The following HS6ST2 variants were observed in gnomAD, a reference collection of about 807,000 sequenced individuals.
The protein encoded by HS6ST2 is heparan-sulfate 6-O-sulfotransferase 2.
HS6ST2 carries 17 observed loss-of-function variants against 33.0 expected under a neutral mutation model. The ratio of observed to expected loss-of-function variants is 0.52; its 90% CI spans 0.35 to 0.77. The LOEUF is 0.77. Among genes scored for constraint, HS6ST2 ranks in the 30% least tolerant of loss-of-function variants. The probability of loss-of-function intolerance (pLI) is 0.01; values close to 1 mark genes in which losing one functional copy is unlikely to be tolerated. For synonymous variants in HS6ST2, 248 were observed against 237.1 expected (o/e 1.05, Z -0.42); for missense variants, 519 against 551.7 (o/e 0.94, Z 0.59).
upstream of HS6ST2, among the ~76,000 whole-genome samples, chrX:132,960,121 C>T (rs746109877): frequency 8.0e-5 from 9 of 112,201 alleles, no homozygotes; most frequent in African/African-American, 2.9e-4. Context: ...TGAACTTGTG[C>T]GAAGAAGCCA....
chrX:132,886,787 T>C (rs1162324365), intron 2 of HS6ST2, among the ~76,000 whole-genome samples: 2 of 111,041 alleles, frequency 1.8e-5, no homozygotes, highest in Non-Finnish European at 3.8e-5. Context: ...TCAATACAAT[T>C]AATGCTCTTT....
Position 132,639,879 on chromosome X carries a change from G to A in HS6ST2, c.1068-10786C>T, listed in dbSNP as rs371458594. Among the ~76,000 whole-genome samples the A allele has an allele frequency of 2.7e-5, 3 of 111,894 alleles. No homozygotes were observed. In the East Asian group the frequency reaches 8.4e-4, roughly 31 times the overall value. On this transcript the variant is annotated intron_variant, in intron 4 of 4. Transcript: ENST00000370833. ...ACATCCCTAGTGCCTCTTGTCCCAG[G>A]AATCCATTGCTTTGGTCCTGCCTTT...
intron 2 of HS6ST2, among the ~76,000 whole-genome samples, chrX:132,782,463 T>C (rs1211369983): frequency 9.0e-5 from 10 of 111,517 alleles, no homozygotes; most frequent in Non-Finnish European, 1.9e-5. Flanking sequence ...CTTTAAGAAA[T>C]AATCACAAAA....
rs1038715155 is a variant in HS6ST2 at position 132,627,589 on chromosome X, A to G, written c.*634T>C. 1 of 112,655 alleles carries G rather than the reference A, an allele frequency of 8.9e-6. No homozygotes were observed. The allele number at this position is 112,655 out of a possible 1,213,427, so 9.3% of individuals were successfully genotyped here. ...GTAGAAAAAGTTTAAAATTTTAAAC[A>G]TCTCTTAAATATCAAGATATGAGTC... On this transcript the variant is annotated 3_prime_UTR_variant, in exon 5 of 5. Transcript: ENST00000370833.
chrX:132,891,633 G>T lies in HS6ST2; in HGVS notation c.947+65175C>A, dbSNP rs191165534. Among the ~76,000 whole-genome samples, 380 of 110,531 alleles carry T rather than the reference G, an allele frequency of 3.4e-3. 2 individuals carry two copies. Among genetic ancestry groups the T allele is most frequent in the Non-Finnish European group, 5.3e-3 (278 of 52,933 alleles). On this transcript the variant is annotated intron_variant, in intron 2 of 4. Transcript: ENST00000370833. ...TCCCACCTATGAGTGAGAACATGCG[G>T]TGTTTGATTTTTTGTCCTTGCGATA...
chrX:132,679,264 A>G (rs1046456620), intron 3 of HS6ST2, among the ~76,000 whole-genome samples: 16 of 112,104 alleles, frequency 1.4e-4, no homozygotes, highest in South Asian at 3.7e-4. Flanking sequence ...CCCTATAGTC[A>G]CGTAGGTTCT....
At chrX:132,741,131 C>T (rs930912066) in intron 2 of HS6ST2, among the ~76,000 whole-genome samples, 7 of 111,348 alleles carry the variant, frequency 6.3e-5, no homozygotes, top group African/African-American at 2.3e-4. Flanking sequence ...CTATGGGAAC[C>T]CTGAATTGCC....
intron 2 of HS6ST2, among the ~76,000 whole-genome samples, chrX:132,915,153 G>C (rs949231240): frequency 1.8e-5 from 2 of 112,023 alleles, no homozygotes; most frequent in Non-Finnish European, 1.9e-5. Context: ...CACTAGCAGT[G>C]CAGGAAGCAC....
intron 3 of HS6ST2, among the ~76,000 whole-genome samples, chrX:132,681,781 C>T (rs2063973481): frequency 8.9e-6 from 1 of 112,074 alleles, no homozygotes; most frequent in Admixed American, 9.5e-5. Flanking sequence ...TCCTCTGGTT[C>T]TCTCCAGCCA....
intron 2 of HS6ST2, among the ~76,000 whole-genome samples, chrX:132,716,522 G>A (rs189308870): frequency 8.9e-6 from 1 of 112,065 alleles, no homozygotes; most frequent in Non-Finnish European, 1.9e-5. Flanking sequence ...ATGTGCATAG[G>A]TACAGGCTGA....
intron 2 of HS6ST2, among the ~76,000 whole-genome samples, chrX:132,718,480 T>C (rs2064298072): frequency 9.0e-6 from 1 of 111,530 alleles, no homozygotes; most frequent in Non-Finnish European, 1.9e-5. Context: ...CTAATTCTAA[T>C]GCATTGTGTA....
At chrX:132,863,540 T>C (rs1012028805) in intron 2 of HS6ST2, among the ~76,000 whole-genome samples, 1 of 106,992 alleles carries the variant, frequency 9.3e-6, no homozygotes, top group Non-Finnish European at 1.9e-5. Flanking sequence ...CCCAGGCTGG[T>C]CTCAAACTCC....
At chrX:132,772,847 C>T (rs982512207) in intron 2 of HS6ST2, among the ~76,000 whole-genome samples, 4 of 79,511 alleles carry the variant, frequency 5.0e-5, no homozygotes, top group South Asian at 5.8e-4. Context: ...TAAAATATAA[C>T]ATATAATATA....
chrX:132,941,135 G>A (rs1398802376), intron 2 of HS6ST2, among the ~76,000 whole-genome samples: 3 of 111,796 alleles, frequency 2.7e-5, no homozygotes, highest in Non-Finnish European at 5.6e-5. Context: ...AGAAGAGTTC[G>A]TCAATGCAAC....
chrX:132,960,661 A>C (rs752605079), upstream of HS6ST2, among the ~76,000 whole-genome samples: 7 of 111,385 alleles, frequency 6.3e-5, no homozygotes, highest in African/African-American at 1.3e-4. Flanking sequence ...CTTCAGAGAA[A>C]GGGCCAGTGA....
intron 4 of HS6ST2, among the ~76,000 whole-genome samples, chrX:132,638,988 T>C (rs2063581495): frequency 8.9e-6 from 1 of 112,418 alleles, no homozygotes; most frequent in African/African-American, 3.2e-5. Context: ...GTGTGTATTG[T>C]GGGGAGTGCT....
rs186401909 is a variant in HS6ST2 at position 132,931,912 on chromosome X, C to T, written c.947+24896G>A. Among the ~76,000 whole-genome samples, 30 of 110,673 alleles carry T rather than the reference C, an allele frequency of 2.7e-4. 1 individual carries two copies. In the East Asian group the frequency reaches 6.0e-3, roughly 22 times the overall value. On this transcript the variant is annotated intron_variant, in intron 2 of 4. Transcript: ENST00000370833. ...CAAAAAATACCCCAGCAAGGCCAGG[C>T]GAGGTGGCTCACGCCTGTAATCCCA... is the stretch of plus-strand genomic sequence containing the variant.
intron 3 of HS6ST2, among the ~76,000 whole-genome samples, chrX:132,702,962 AT>A (rs997144291): frequency 8.9e-6 from 1 of 112,220 alleles, no homozygotes; most frequent in African/African-American, 3.2e-5. Flanking sequence ...ATTATGATTG[AT>A]GAAAACCATG....
In HS6ST2 at chrX:132,881,312, C is replaced by T. The variant is rs1432459696; in HGVS notation, c.947+75496G>A. Among the ~76,000 whole-genome samples the T allele has an allele frequency of 5.8e-4, 64 of 110,665 alleles. No individual in the cohort carries two copies. The South Asian group carries it at 0.012, about 20-fold the overall frequency. Reference sequence around the variant, plus strand: ...TGTTGTTTCCTGACTTTTTAATGATCGCCATTCTAACTGGTGTGAGATGGT... The same window carrying T: ...TGTTGTTTCCTGACTTTTTAATGATTGCCATTCTAACTGGTGTGAGATGGT... On this transcript the variant is annotated intron_variant, in intron 2 of 4. Coordinates refer to ENST00000370833, the MANE Select transcript of HS6ST2 (RefSeq NM_001394073.1).
Sources: allele counts gnomAD v4.1 joint callset (sites outside exome capture counted in the v4.1 genomes callset), GRCh38; gene constraint gnomAD v4.1.1; transcripts MANE v1.5; gene names NCBI Gene and HGNC (gene_info 2026-07-23, HGNC 2026-07-21).